GPR149: variants seen among roughly 807,000 people sequenced by gnomAD.
The protein encoded by GPR149 is probable G protein-coupled receptor 149.
In GPR149, 50 loss-of-function variants were observed where a neutral mutation model predicts 50.2. The ratio of observed to expected loss-of-function variants is 1.00; its 90% CI spans 0.79 to 1.26. GPR149 has a LOEUF of 1.26. Ranked by LOEUF, GPR149 falls within the 50% of genes most tolerant of loss-of-function variation. The pLI, the probability that GPR149 is intolerant of heterozygous loss-of-function variation, is 0.00. For missense variants in GPR149, 983 were observed against 895.4 expected (o/e 1.10, Z -1.25); for synonymous variants, 405 against 358.2 (o/e 1.13, Z -1.48).
At chr3:154,353,225 A>C (rs879099528) in intron 3 of GPR149, 64 of 1,526,144 alleles carry the variant, frequency 4.2e-5, no homozygotes, top group South Asian at 3.9e-4. Context: ...TCTGAGACCA[A>C]TGACACTGAA....
chr3:154,370,346 G>C (rs564872125), intron 3 of GPR149, among the ~76,000 whole-genome samples: 1 of 152,108 alleles, frequency 6.6e-6, no homozygotes, highest in African/African-American at 2.4e-5. Context: ...TAAGATAAAG[G>C]CTGCAGCCTT....
At chr3:154,419,792 T>C (rs1712086388) in intron 3 of GPR149, among the ~76,000 whole-genome samples, 1 of 152,076 alleles carries the variant, frequency 6.6e-6, no homozygotes, top group South Asian at 2.1e-4. Flanking sequence ...AGGAGCAAAT[T>C]GGCGATGAAA....
At chr3:154,354,823 G>A (rs1053517083) in intron 3 of GPR149, 31 of 514,444 alleles carry the variant, frequency 6.0e-5, no homozygotes, top group Non-Finnish European at 7.7e-5. Context: ...CTCCCTCCAC[G>A]CACAGTGGCC....
At chr3:154,352,921 G>T in intron 3 of GPR149, 1 of 874,778 alleles carries the variant, frequency 1.1e-6, no homozygotes, top group East Asian at 2.4e-5. Context: ...CGATGGATAC[G>T]GGCCTCAACA....
At chr3:154,353,900 G>C in intron 3 of GPR149, 1 of 547,858 alleles carries the variant, frequency 1.8e-6, no homozygotes, top group Non-Finnish European at 3.4e-6. Flanking sequence ...AGTCTCTTCA[G>C]AAATACGGAA....
chr3:154,357,205 G>A lies in GPR149; in HGVS notation c.1624-18934C>T, dbSNP rs559090236. On this transcript the variant is annotated intron_variant, in intron 3 of 3. Transcript: ENST00000389740. ...TTCAAGATGGATTAAAGACTTAAATGTTAGACCTGAAACCATAAAAACCCT... is the reference window on the plus strand; with the variant it reads ...TTCAAGATGGATTAAAGACTTAAATATTAGACCTGAAACCATAAAAACCCT... 4.6e-3 allele frequency among the ~76,000 whole-genome samples: 705 copies of A among 152,126 alleles called. 4 individuals are homozygous for A. Among genetic ancestry groups the A allele is most frequent in the African/African-American group, 0.016 (657 of 41,486 alleles).
At chr3:154,413,805 A>G (rs1258782720) in intron 3 of GPR149, among the ~76,000 whole-genome samples, 2 of 151,998 alleles carry the variant, frequency 1.3e-5, no homozygotes, top group Non-Finnish European at 2.9e-5. Flanking sequence ...ACTAGAAGGT[A>G]TCTACCCAGA....
chr3:154,371,023 A>C (rs1477491311), intron 3 of GPR149, among the ~76,000 whole-genome samples: 1 of 152,174 alleles, frequency 6.6e-6, no homozygotes, highest in East Asian at 1.9e-4. Flanking sequence ...TTAAAACGAC[A>C]ATTTGGAAAG....
At chr3:154,349,588 A>T (rs543713090) in intron 3 of GPR149, among the ~76,000 whole-genome samples, 11 of 152,208 alleles carry the variant, frequency 7.2e-5, no homozygotes, top group Non-Finnish European at 1.5e-4. Flanking sequence ...AGATAATTAA[A>T]CTTGTAGTTT....
At chr3:154,341,377 A>T (rs1713797592) in intron 3 of GPR149, among the ~76,000 whole-genome samples, 2 of 142,706 alleles carry the variant, frequency 1.4e-5, no homozygotes, top group Admixed American at 1.4e-4. Flanking sequence ...TAATTTACAG[A>T]TGAAAATATT....
rs1008803320 is a variant in GPR149 at position 154,336,936 on chromosome 3, C to T, written c.*763G>A. ...AAAAACAATTTTAGGATAAAGTATA[C>T]AATTACACAATTACAACTTTTTTCC... On this transcript the variant is annotated 3_prime_UTR_variant, in exon 4 of 4. Transcript: ENST00000389740. 1 of 151,720 alleles carries T rather than the reference C, an allele frequency of 6.6e-6. No individual in the cohort carries two copies. The highest frequency in any genetic ancestry group is 2.4e-5 in the African/African-American group (1 of 41,346). The allele number at this position is 151,720 out of a possible 1,614,324, so 9.4% of individuals were successfully genotyped here. A position where few individuals can be genotyped will look rare whatever the true frequency, so the allele number is the denominator to read the frequency against.
intron 3 of GPR149, among the ~76,000 whole-genome samples, chr3:154,372,171 G>T (rs1408816258): frequency 6.6e-6 from 1 of 152,144 alleles, no homozygotes; most frequent in African/African-American, 2.4e-5. Context: ...GGGCTTCCTG[G>T]GTCAAGTAGG....
At chr3:154,408,301 A>T (rs1461880561) in intron 3 of GPR149, among the ~76,000 whole-genome samples, 2 of 152,206 alleles carry the variant, frequency 1.3e-5, no homozygotes, top group Non-Finnish European at 2.9e-5. Flanking sequence ...CTGCAGGAAC[A>T]TACCAAGAAA....
intron 2 of GPR149, 33 bp from the exon 3 acceptor site, chr3:154,421,520 A>G: frequency 8.5e-7 from 1 of 1,182,112 alleles, no homozygotes; most frequent in South Asian, 1.5e-5. Flanking sequence ...GTTTATGGCT[A>G]GTAAGGTAGA....
intron 3 of GPR149, among the ~76,000 whole-genome samples, chr3:154,373,745 T>C (rs2108402515): frequency 6.6e-6 from 1 of 152,330 alleles, no homozygotes; most frequent in South Asian, 2.1e-4. Flanking sequence ...TGTCTTCTAC[T>C]CCTCTCAGGA....
chr3:154,338,351 G>A, intron 3 of GPR149, 80 bp from the exon 4 acceptor site: 1 of 1,130,998 alleles, frequency 8.8e-7, no homozygotes, highest in Non-Finnish European at 1.2e-6. Context: ...TTGTTCATCA[G>A]AATGATAAAG....
intron 3 of GPR149, chr3:154,353,851 A>G (rs1714150142): frequency 1.6e-6 from 1 of 620,320 alleles, no homozygotes; most frequent in South Asian, 1.8e-5. Context: ...CTTGAATAGG[A>G]AAGAGATATG....
At chr3:154,367,340 C>G (rs568089239) in intron 3 of GPR149, among the ~76,000 whole-genome samples, 11 of 36,664 alleles carry the variant, frequency 3.0e-4, no homozygotes, top group African/African-American at 9.1e-4. Flanking sequence ...CTCCCTTCCC[C>G]CCCCCGAAAC....
At chr3:154,354,838 C>T (rs7634093) in intron 3 of GPR149, 46,033 of 362,788 alleles carry the variant, frequency 0.13, 4,566 homozygotes, top group East Asian at 0.43. Context: ...GTGGCCACAA[C>T]TACCTGTGGG....
Sources: gnomAD v4.1 joint callset for allele counts (sites outside exome capture counted in the v4.1 genomes callset) on GRCh38, gnomAD v4.1.1 for gene constraint, MANE v1.5 for transcripts, NCBI Gene and HGNC (gene_info 2026-07-23, HGNC 2026-07-21) for gene names.